The following OLFM2 variants were observed in gnomAD, a reference collection of about 807,000 sequenced individuals.
The protein encoded by OLFM2 is olfactomedin 2.
In OLFM2, 20 loss-of-function variants were observed where a neutral mutation model predicts 43.9. The ratio of observed to expected loss-of-function variants is 0.46; its 90% confidence interval spans 0.32 to 0.66. The LOEUF (loss-of-function observed/expected upper bound fraction) is 0.66. OLFM2 is among the 30% of genes least tolerant of loss of function. The probability of loss-of-function intolerance (pLI) is 0.04; values close to 1 mark genes in which losing one functional copy is unlikely to be tolerated. For missense variants in OLFM2, 416 were observed against 643.6 expected (o/e 0.65, Z 3.83); for synonymous variants, 268 against 278.6 (o/e 0.96, Z 0.38).
intron 1 of OLFM2, among the ~76,000 whole-genome samples, chr19:9,919,956 A>G (rs1452222448): frequency 6.7e-6 from 1 of 148,652 alleles, no homozygotes; most frequent in Non-Finnish European, 1.5e-5. Flanking sequence ...CACCATGCTC[A>G]GCTAATTTTT....
chr19:9,914,987 G>A (rs1172680742), intron 1 of OLFM2, among the ~76,000 whole-genome samples: 2 of 152,066 alleles, frequency 1.3e-5, no homozygotes, highest in Admixed American at 1.3e-4. Context: ...AGGGGGGCTA[G>A]GGGTCTCGAA....
At chr19:9,883,886 C>T (rs1022048687) in intron 1 of OLFM2, among the ~76,000 whole-genome samples, 15 of 152,154 alleles carry the variant, frequency 9.9e-5, no homozygotes. Context: ...CCAGTTTCCC[C>T]ATCTGTAAAA....
At chr19:9,923,106 C>T (rs2086430814) in intron 1 of OLFM2, among the ~76,000 whole-genome samples, 1 of 152,064 alleles carries the variant, frequency 6.6e-6, no homozygotes, top group South Asian at 2.1e-4. Flanking sequence ...TCCACTCCTA[C>T]ATATATACAG....
chr19:9,857,848 G>C lies in OLFM2; in HGVS notation c.227C>G (p.Ser76Cys), dbSNP rs976420558. 3.1e-6 allele frequency: 5 copies of C among 1,614,064 alleles called. No homozygotes were observed. Among genetic ancestry groups the C allele is most frequent in the Non-Finnish European group, 3.4e-6 (4 of 1,180,030 alleles). Reference sequence around the variant, plus strand: ...CAACTCAAGGACCTCCATGGACTGGGAGACGTTCTGGACCTAGGAATGGGG... The same window carrying C: ...CAACTCAAGGACCTCCATGGACTGGCAGACGTTCTGGACCTAGGAATGGGG... ...RQLMEKVQNVSQSMEVLELRT... is the reference protein window; with the variant it reads ...RQLMEKVQNVCQSMEVLELRT... Residue 76 changes from serine to cysteine, a missense_variant, in exon 3 of 6, where the codon TCC becomes TGC. Ser to Cys is a moderately radical substitution (Grantham distance 112). Coordinates refer to ENST00000264833, the MANE Select transcript of OLFM2 (RefSeq NM_058164.4). This position sits in a 1 kb window ranked among gnomAD's most constrained non-coding sequence, Gnocchi z 5.7.
chr19:9,896,134 T>G (rs2046681871), intron 1 of OLFM2, among the ~76,000 whole-genome samples: 1 of 141,862 alleles, frequency 7.0e-6, no homozygotes, highest in Non-Finnish European at 1.5e-5. Context: ...TCTTGCTCTG[T>G]TGCCCAGGCT....
At chr19:9,870,942 T>A (rs2046436839) in intron 1 of OLFM2, among the ~76,000 whole-genome samples, 1 of 152,038 alleles carries the variant, frequency 6.6e-6, no homozygotes, top group Non-Finnish European at 1.5e-5. Flanking sequence ...GCATCTGTAA[T>A]CCTGGCACTT....
intron 1 of OLFM2, 59 bp from the exon 2 acceptor site, chr19:9,860,853 C>T (rs1310078511): frequency 1.3e-6 from 2 of 1,532,672 alleles, no homozygotes; most frequent in Admixed American, 3.9e-5. Context: ...CTCGCCCTCA[C>T]TGGGACAGGA....
intron 1 of OLFM2, among the ~76,000 whole-genome samples, chr19:9,924,572 A>G (rs1157034257): frequency 6.6e-6 from 1 of 152,116 alleles, no homozygotes; most frequent in Non-Finnish European, 1.5e-5. Flanking sequence ...CAACATACTC[A>G]GTCACCCAAC....
At chr19:9,903,369 C>A (rs1286813310) in intron 1 of OLFM2, among the ~76,000 whole-genome samples, 1 of 152,200 alleles carries the variant, frequency 6.6e-6, no homozygotes, top group East Asian at 1.9e-4. Flanking sequence ...CACATGTATG[C>A]TCACCAGGAG....
intron 1 of OLFM2, among the ~76,000 whole-genome samples, chr19:9,930,856 TATCATCATC>T (rs374973288): frequency 1.3e-5 from 2 of 151,588 alleles, no homozygotes; most frequent in African/African-American, 4.9e-5. Context: ...CTGTTTCAAA[TATCATCATC>T]ATCATCATCA....
intron 1 of OLFM2, among the ~76,000 whole-genome samples, chr19:9,932,998 C>T (rs113657527): frequency 5.7e-4 from 86 of 152,196 alleles, no homozygotes; most frequent in Non-Finnish European, 9.9e-4. Context: ...CTGGCTTCCC[C>T]GGCCTCATCT....
intron 1 of OLFM2, among the ~76,000 whole-genome samples, chr19:9,906,488 C>T (rs544883010): frequency 1.3e-5 from 2 of 152,240 alleles, no homozygotes; most frequent in Admixed American, 1.3e-4. Flanking sequence ...CCAAGAGCTG[C>T]TCAAACCTTA....
Position 9,857,128 on chromosome 19 carries a change from A to T in OLFM2, c.580+135T>A. 1 of 921,394 alleles carries T rather than the reference A, an allele frequency of 1.1e-6. No individual in the cohort carries two copies. The highest frequency in any genetic ancestry group is 1.7e-6 in the Non-Finnish European group (1 of 583,588). The allele number at this position is 921,394 out of a possible 1,614,324, so 57.1% of individuals were successfully genotyped here. Reference sequence around the variant, plus strand: ...AGCTTCTGGACTCAAGTGTAGCCTTAGGTAGGAAGGTCAAGGGTTGAGGTT... The same window carrying T: ...AGCTTCTGGACTCAAGTGTAGCCTTTGGTAGGAAGGTCAAGGGTTGAGGTT... On this transcript the variant is annotated intron_variant, in intron 4 of 5. Coordinates refer to ENST00000264833, the MANE Select transcript of OLFM2 (RefSeq NM_058164.4). The surrounding 1 kb of genome is among the most constrained non-coding windows in gnomAD (Gnocchi z 5.7).
intron 1 of OLFM2, among the ~76,000 whole-genome samples, chr19:9,923,556 G>T (rs868515191): frequency 6.7e-5 from 7 of 104,038 alleles, no homozygotes; most frequent in African/African-American, 2.7e-4. Context: ...GACTGTCTCA[G>T]GAAAAAAAAA....
chr19:9,930,749 G>A (rs1052198134), intron 1 of OLFM2, among the ~76,000 whole-genome samples: 2 of 151,420 alleles, frequency 1.3e-5, no homozygotes. Flanking sequence ...AGCTACTCGA[G>A]AGGCTGAGCA....
chr19:9,895,025 C>T (rs2046671162), intron 1 of OLFM2, among the ~76,000 whole-genome samples: 1 of 152,156 alleles, frequency 6.6e-6, no homozygotes, highest in South Asian at 2.1e-4. Context: ...ATGTCACCAT[C>T]TCCATCCTCC....
Position 9,857,079 on chromosome 19 carries a change from A to T in OLFM2, c.581-166T>A. The T allele has an allele frequency of 1.2e-6, 1 of 805,836 alleles. No homozygotes were observed. The highest frequency in any genetic ancestry group is 2.7e-5 in the East Asian group (1 of 37,362). 49.9% of individuals were successfully genotyped at this position (805,836 alleles called of 1,614,324 possible). On this transcript the variant is annotated intron_variant, in intron 4 of 5. Transcript: ENST00000264833. The surrounding 1 kb of genome is among the most constrained non-coding windows in gnomAD (Gnocchi z 5.7). ...TGTTCAGTTGTGAGTGAGGGGTTAG[A>T]GGCCAAGGGTCAGGGCCATTTCCAG...
intron 1 of OLFM2, among the ~76,000 whole-genome samples, chr19:9,927,098 A>G (rs527795438): frequency 6.6e-6 from 1 of 152,226 alleles, no homozygotes; most frequent in East Asian, 1.9e-4. Flanking sequence ...CCTGGCCAAC[A>G]TGGTGAAATC....
intron 1 of OLFM2, among the ~76,000 whole-genome samples, chr19:9,876,997 AG>A (rs572820856): frequency 1.8e-4 from 28 of 152,068 alleles, no homozygotes; most frequent in African/African-American, 6.3e-4. Flanking sequence ...TGGGAGGTCA[AG>A]GGGGGCAGAT....
Sources: allele counts gnomAD v4.1 joint callset (sites outside exome capture counted in the v4.1 genomes callset), GRCh38; gene constraint gnomAD v4.1.1; non-coding constraint Gnocchi (gnomAD v3.1); transcripts MANE v1.5; gene names NCBI Gene and HGNC (gene_info 2026-07-23, HGNC 2026-07-21).